The following SNAP25 variants were observed in gnomAD, a reference collection of about 807,000 sequenced individuals.
SNAP25 encodes synaptosomal-associated protein 25.
Under a neutral mutation model 28.7 loss-of-function variants are expected in SNAP25, and 3 were observed. That is an observed-to-expected ratio of 0.10 (90% confidence interval 0.05 to 0.27). The LOEUF is 0.27. Ranked by LOEUF, SNAP25 falls within the 10% of genes least tolerant of loss-of-function variation. The probability of loss-of-function intolerance (pLI) is 1.00; values close to 1 mark genes in which losing one functional copy is unlikely to be tolerated. For synonymous variants in SNAP25, 61 were observed against 88.1 expected (o/e 0.69, Z 1.72); for missense variants, 117 against 278.7 (o/e 0.42, Z 4.13).
At chr20:10,240,575 G>C (rs1223483481) in intron 1 of SNAP25, among the ~76,000 whole-genome samples, 1 of 152,170 alleles carries the variant, frequency 6.6e-6, no homozygotes, top group African/African-American at 2.4e-5. Context: ...GCGTGATCCT[G>C]CTTCCTTCTG....
chr20:10,225,076 G>C (rs546826925), intron 1 of SNAP25, among the ~76,000 whole-genome samples: 1 of 152,038 alleles, frequency 6.6e-6, no homozygotes, highest in Admixed American at 6.6e-5. Context: ...TTGGGAGGAT[G>C]TGGGGTAAAA....
At chr20:10,297,999 C>A (rs559639176) in intron 6 of SNAP25, among the ~76,000 whole-genome samples, 30 of 144,002 alleles carry the variant, frequency 2.1e-4, no homozygotes, top group Admixed American at 8.1e-4. Context: ...AAAAAAAAAA[C>A]TCAAGTTACA....
intron 3 of SNAP25, among the ~76,000 whole-genome samples, chr20:10,281,022 G>T (rs568612211): frequency 6.6e-6 from 1 of 152,118 alleles, no homozygotes; most frequent in African/African-American, 2.4e-5. Context: ...ATCTCAGAAC[G>T]GCAAAAGAAA....
intron 1 of SNAP25, among the ~76,000 whole-genome samples, chr20:10,271,750 A>C (rs180918696): frequency 5.0e-4 from 76 of 152,100 alleles, no homozygotes; most frequent in Admixed American, 1.8e-3. Context: ...GAGAGAGAGA[A>C]GAGAGAGAGC....
chr20:10,261,994 A>T (rs533729055), intron 1 of SNAP25, among the ~76,000 whole-genome samples: 9 of 152,292 alleles, frequency 5.9e-5, no homozygotes, highest in African/African-American at 2.2e-4. Context: ...CACAAACACC[A>T]CTGATTCTTT....
chr20:10,304,418 G>C (rs1214412434), intron 7 of SNAP25, among the ~76,000 whole-genome samples: 1 of 152,124 alleles, frequency 6.6e-6, no homozygotes. Context: ...GTAGCCTACT[G>C]TTGACTGGAA....
chr20:10,284,200 T>G (rs1270357067), intron 3 of SNAP25, among the ~76,000 whole-genome samples: 3 of 152,136 alleles, frequency 2.0e-5, no homozygotes, highest in African/African-American at 7.2e-5. Context: ...TCCCAACCTT[T>G]GTAAAGCCAT....
intron 1 of SNAP25, among the ~76,000 whole-genome samples, chr20:10,222,163 G>T (rs1459704510): frequency 6.6e-6 from 1 of 152,206 alleles, no homozygotes; most frequent in East Asian, 1.9e-4. Context: ...TCATGGTTTT[G>T]TCTTGACCTC....
chr20:10,221,407 T>C (rs2062631507), intron 1 of SNAP25, among the ~76,000 whole-genome samples: 4 of 152,160 alleles, frequency 2.6e-5, no homozygotes, highest in Non-Finnish European at 5.9e-5. Context: ...ATTTATATCA[T>C]TGACAAGCTT....
chr20:10,306,422 C>T lies in SNAP25; in HGVS notation c.*225C>T, dbSNP rs1047218630. 9.2e-6 allele frequency: 4 copies of T among 434,622 alleles called. No individual in the cohort carries two copies. In the Admixed American group the frequency reaches 1.6e-4, roughly 17 times the overall value. The allele number at this position is 434,622 out of a possible 1,614,324, so 26.9% of individuals were successfully genotyped here. A position where few individuals can be genotyped will look rare whatever the true frequency, so the allele number is the denominator to read the frequency against. Reference sequence around the variant, plus strand: ...GTTGTACATAGTGGTCATTTGGTGGCTCTAACTCCTTGAGGTCTTGAGTTT... The same window carrying T: ...GTTGTACATAGTGGTCATTTGGTGGTTCTAACTCCTTGAGGTCTTGAGTTT... On this transcript the variant is annotated 3_prime_UTR_variant, in exon 8 of 8. Coordinates refer to ENST00000254976, the MANE Select transcript of SNAP25 (RefSeq NM_130811.4).
intron 6 of SNAP25, among the ~76,000 whole-genome samples, chr20:10,297,256 G>A (rs928274878): frequency 2.0e-5 from 3 of 152,178 alleles, no homozygotes; most frequent in South Asian, 4.1e-4. Context: ...GTTGGCTGGG[G>A]CTGTTGGTGG....
At chr20:10,264,899 A>T (rs551136749) in intron 1 of SNAP25, among the ~76,000 whole-genome samples, 5 of 150,916 alleles carry the variant, frequency 3.3e-5, no homozygotes, top group Non-Finnish European at 7.4e-5. Flanking sequence ...ATTTTGATGC[A>T]AGGAGATCTC....
intron 7 of SNAP25, among the ~76,000 whole-genome samples, chr20:10,303,958 T>C (rs1321352233): frequency 6.6e-6 from 1 of 152,192 alleles, no homozygotes; most frequent in Non-Finnish European, 1.5e-5. Context: ...TCTTCAGAAA[T>C]GCAACTTAAA....
At chr20:10,299,452 C>A in intron 7 of SNAP25, 40 bp downstream of exon 7, 1 of 1,588,306 alleles carries the variant, frequency 6.3e-7, no homozygotes, top group Non-Finnish European at 8.6e-7. Flanking sequence ...CTGCGAGTCA[C>A]TTCTGAAATG....
intron 1 of SNAP25, among the ~76,000 whole-genome samples, chr20:10,273,550 C>T (rs926907948): frequency 6.6e-6 from 1 of 152,100 alleles, no homozygotes; most frequent in African/African-American, 2.4e-5. Flanking sequence ...ATGGCTTAAC[C>T]ATCCTTTAAG....
intron 4 of SNAP25, among the ~76,000 whole-genome samples, chr20:10,288,265 T>A (rs958468804): frequency 2.0e-5 from 3 of 152,158 alleles, no homozygotes; most frequent in Non-Finnish European, 4.4e-5. Context: ...TGTAACTTCA[T>A]GTGGGTGGAA....
In SNAP25 at chr20:10,293,045, TC is replaced by T; in HGVS notation, c.164-115del. On this transcript the variant is annotated intron_variant, in intron 4 of 7. Transcript: ENST00000254976. The surrounding 1 kb of genome is among the most constrained non-coding windows in gnomAD (Gnocchi z 5.6). ...CTAATCTGTGGCGTCCAGTTTTCTT[TC>T]TTTTTTTTTTTTTCTTTTTTAATGT... is the stretch of plus-strand genomic sequence containing the variant. 6.9e-7 allele frequency: 1 copy of T among 1,446,264 alleles called. No individual in the cohort carries two copies. The highest frequency in any genetic ancestry group is 9.4e-7 in the Non-Finnish European group (1 of 1,060,294). The allele number at this position is 1,446,264 out of a possible 1,614,324, so 89.6% of individuals were successfully genotyped here.
rs1318573575 is a variant in SNAP25 at position 10,293,801 on chromosome 20, C to T, written c.281+523C>T. On this transcript the variant is annotated intron_variant, in intron 5 of 7. Transcript: ENST00000254976. This position sits in a 1 kb window ranked among gnomAD's most constrained non-coding sequence, Gnocchi z 5.6. ...AGTTGCCAAATTTTGTCAATAGATG[C>T]TGCCACTGCACCCAACACAGAGGCA... is the stretch of plus-strand genomic sequence containing the variant. Among the ~76,000 whole-genome samples, 3 of 152,208 alleles carry T rather than the reference C, an allele frequency of 2.0e-5. No homozygotes were observed. The highest frequency in any genetic ancestry group is 4.4e-5 in the Non-Finnish European group (3 of 68,038).
At chr20:10,222,069 C>T (rs182042957) in intron 1 of SNAP25, among the ~76,000 whole-genome samples, 5 of 152,364 alleles carry the variant, frequency 3.3e-5, no homozygotes, top group African/African-American at 1.2e-4. Context: ...CATCCCTTGT[C>T]AGCAAGTACC....
Sources: gnomAD v4.1 joint callset for allele counts (sites outside exome capture counted in the v4.1 genomes callset) on GRCh38, gnomAD v4.1.1 for gene constraint, Gnocchi (gnomAD v3.1) non-coding constraint, MANE v1.5 for transcripts, NCBI Gene and HGNC (gene_info 2026-07-23, HGNC 2026-07-21) for gene names.